The following MRPL35 variants were observed in gnomAD, a reference collection of about 807,000 sequenced individuals.
MRPL35 encodes mitochondrial ribosomal protein L35, also known as large ribosomal subunit protein bL35m.
MRPL35 carries 18 observed loss-of-function variants against 21.6 expected under a neutral mutation model. That is an observed-to-expected ratio of 0.83 (90% confidence interval 0.58 to 1.24). The LOEUF is 1.24. Ranked by LOEUF, MRPL35 falls within the 50% of genes most tolerant of loss-of-function variation. The pLI, the probability that MRPL35 is intolerant of heterozygous loss-of-function variation, is 0.00. For missense variants in MRPL35, 223 were observed against 223.2 expected, an observed-to-expected ratio of 1.00 and a Z score of 0.01; for synonymous variants, 87 against 86.9, an observed-to-expected ratio of 1.00 and a Z score of -0.01.
In MRPL35 at chr2:86,212,783, TATC is replaced by T; in HGVS notation, c.*2120_*2122del. 2 of 1,078,192 alleles carry T rather than the reference TATC, an allele frequency of 1.9e-6. No homozygotes were observed. Among genetic ancestry groups the T allele is most frequent in the Non-Finnish European group, 2.2e-6 (2 of 890,822 alleles). The allele number at this position is 1,078,192 out of a possible 1,614,324, so 66.8% of individuals were successfully genotyped here. A position where few individuals can be genotyped will look rare whatever the true frequency, so the allele number is the denominator to read the frequency against. On this transcript the variant is annotated 3_prime_UTR_variant, in exon 4 of 4. Transcript: ENST00000337109. Reference sequence around the variant, plus strand: ...TTTTTGTTTTGTGGGTAGGAGGGCTTATCATCAACACTGATTTTATAATCTGAC... The same window carrying T: ...TTTTTGTTTTGTGGGTAGGAGGGCTTATCAACACTGATTTTATAATCTGAC...
chr2:86,199,707 C>T (rs961693636), intron 1 of MRPL35, among the ~76,000 whole-genome samples, 174 bp downstream of exon 1: 2 of 152,204 alleles, frequency 1.3e-5, no homozygotes, highest in African/African-American at 4.8e-5. Flanking sequence ...ACCAAGTCCC[C>T]CGACTCGGAC....
At chr2:86,204,736 A>G (rs1673758949) in intron 1 of MRPL35, among the ~76,000 whole-genome samples, 1 of 152,188 alleles carries the variant, frequency 6.6e-6, no homozygotes, top group Non-Finnish European at 1.5e-5. Flanking sequence ...TCTGATAGTC[A>G]GGCGAACAGT....
At chr2:86,200,688 T>TTC (rs1673667695) in intron 1 of MRPL35, among the ~76,000 whole-genome samples, 1 of 152,164 alleles carries the variant, frequency 6.6e-6, no homozygotes, top group Admixed American at 6.5e-5. Flanking sequence ...AATTCTTTTT[T>TTC]TTTTTTTGAG....
chr2:86,210,910 T>C lies in MRPL35; in HGVS notation c.*242T>C. 8.7e-7 allele frequency: 1 copy of C among 1,145,296 alleles called. No homozygotes were observed. Among genetic ancestry groups the C allele is most frequent in the Non-Finnish European group, 1.1e-6 (1 of 931,702 alleles). 70.9% of individuals were successfully genotyped at this position (1,145,296 alleles called of 1,614,324 possible). On this transcript the variant is annotated 3_prime_UTR_variant, in exon 4 of 4. Coordinates refer to ENST00000337109, the MANE Select transcript of MRPL35 (RefSeq NM_016622.4). The stretch of plus-strand genomic sequence containing the variant: ...AACAAATGGTATTGGCTTAACTAGT[T>C]GTTTCAGTTATGCTCTTTTAGTTGC...
chr2:86,202,839 C>T (rs372581595), intron 1 of MRPL35, among the ~76,000 whole-genome samples: 2 of 151,604 alleles, frequency 1.3e-5, no homozygotes, highest in Non-Finnish European at 2.9e-5. Flanking sequence ...TACAGGCGCG[C>T]GTCACTCTGC....
chr2:86,211,834 C>T lies in MRPL35; in HGVS notation c.*1166C>T. On this transcript the variant is annotated 3_prime_UTR_variant, in exon 4 of 4. Transcript: ENST00000337109. ...TTCTTAAAAGTTAGTTTATCCACTT[C>T]AGATTTCATGTTTTCATTTGTAAGG... 1.0e-6 allele frequency: 1 copy of T among 985,516 alleles called. No individual in the cohort carries two copies. The allele number at this position is 985,516 out of a possible 1,614,324, so 61.0% of individuals were successfully genotyped here.
intron 1 of MRPL35, among the ~76,000 whole-genome samples, chr2:86,204,827 C>T (rs1673760507): frequency 6.6e-6 from 1 of 152,194 alleles, no homozygotes; most frequent in South Asian, 2.1e-4. Flanking sequence ...GGGGTGTCAA[C>T]CCCAAGCAGT....
intron 3 of MRPL35, among the ~76,000 whole-genome samples, chr2:86,209,464 A>C (rs1447636216): frequency 1.3e-5 from 2 of 152,246 alleles, no homozygotes; most frequent in Non-Finnish European, 2.9e-5. Context: ...GGCTATGATT[A>C]TAGTTTTTAT....
At chr2:86,204,715 C>A (rs1229950728) in intron 1 of MRPL35, among the ~76,000 whole-genome samples, 1 of 152,184 alleles carries the variant, frequency 6.6e-6, no homozygotes, top group Non-Finnish European at 1.5e-5. Context: ...CACTACTTCT[C>A]CCCAGGCGTC....
At position 86,199,489 on chromosome 2, in the gene MRPL35, A is replaced by G. The variant is rs1200968514; in HGVS notation, c.-2A>G. 3.7e-6 allele frequency: 6 copies of G among 1,614,066 alleles called. No homozygotes were observed. Among genetic ancestry groups the G allele is most frequent in the South Asian group, 1.1e-5 (1 of 91,088 alleles). On this transcript the variant is annotated 5_prime_UTR_variant, in exon 1 of 4. Coordinates refer to ENST00000337109, the MANE Select transcript of MRPL35 (RefSeq NM_016622.4). ...AAGCGGCCGCCGTAGGCGAAGGTGA[A>G]GATGGCTGCCTCTGCCTTTGCTGGT...
rs1477229338 is a variant in MRPL35 at position 86,206,158 on chromosome 2, C to T, written c.96C>T (p.Val32=). Residue 32 remains valine, a synonymous_variant, in exon 2 of 4, where the codon GTC becomes GTT. Coordinates refer to ENST00000337109, the MANE Select transcript of MRPL35 (RefSeq NM_016622.4). ...CATCTTCAACCTACCGCAACTGTGTCAAGAATGCCTCTCTTATTTCTGCAT... is the reference window on the plus strand; with the variant it reads ...CATCTTCAACCTACCGCAACTGTGTTAAGAATGCCTCTCTTATTTCTGCAT... The part of the protein sequence containing the change: ...ILASSTYRNC[V]KNASLISALS... 6.2e-7 allele frequency: 1 copy of T among 1,613,986 alleles called. No homozygotes were observed. Among genetic ancestry groups the T allele is most frequent in the South Asian group, 1.1e-5 (1 of 91,068 alleles).
rs1346853125 is a variant in MRPL35 at position 86,212,094 on chromosome 2, A to C, written c.*1426A>C. ...GCAAAGTACTTTGAAAACCATTATT[A>C]AATAGAATTATGCATGAATTACTGT... On this transcript the variant is annotated 3_prime_UTR_variant, in exon 4 of 4. Coordinates refer to ENST00000337109, the MANE Select transcript of MRPL35 (RefSeq NM_016622.4). 1.8e-6 allele frequency: 2 copies of C among 1,136,878 alleles called. No homozygotes were observed. The allele number at this position is 1,136,878 out of a possible 1,614,324, so 70.4% of individuals were successfully genotyped here. A position where few individuals can be genotyped will look rare whatever the true frequency, so the allele number is the denominator to read the frequency against.
chr2:86,201,166 G>GC (rs1238160169), intron 1 of MRPL35, among the ~76,000 whole-genome samples: 1 of 152,098 alleles, frequency 6.6e-6, no homozygotes, highest in Non-Finnish European at 1.5e-5. Context: ...AACTGTTGAG[G>GC]CCCCACATCC....
At chr2:86,203,080 CTTTTTTTTT>C (rs35289845) in intron 1 of MRPL35, among the ~76,000 whole-genome samples, 1 of 132,064 alleles carries the variant, frequency 7.6e-6, no homozygotes, top group African/African-American at 2.8e-5. Flanking sequence ...GTGGGAAATT[CTTTTTTTTT>C]TTTTTTTTGA....
Position 86,213,266 on chromosome 2 carries a change from C to T in MRPL35, c.*2598C>T, listed in dbSNP as rs1209933448. 2 of 1,068,246 alleles carry T rather than the reference C, an allele frequency of 1.9e-6. No individual in the cohort carries two copies. The highest frequency in any genetic ancestry group is 5.2e-5 in the Admixed American group (1 of 19,160). The allele number at this position is 1,068,246 out of a possible 1,614,324, so 66.2% of individuals were successfully genotyped here. A position where few individuals can be genotyped will look rare whatever the true frequency, so the allele number is the denominator to read the frequency against. On this transcript the variant is annotated 3_prime_UTR_variant, in exon 4 of 4. Transcript: ENST00000337109. ...TCAGCTTTTAAATTTTATTACTTTG[C>T]TTTCCTGTCCTTTGCCAACTCTTAA...
At position 86,210,478 on chromosome 2, in the gene MRPL35, A is replaced by G. The variant is rs1385268534; in HGVS notation, c.379-2A>G. 6.2e-7 allele frequency: 1 copy of G among 1,601,994 alleles called. No homozygotes were observed. Among genetic ancestry groups the G allele is most frequent in the South Asian group, 1.1e-5 (1 of 89,548 alleles). On this transcript the variant is annotated splice_acceptor_variant, in intron 3 of 3. Transcript: ENST00000337109. LOFTEE classifies it high-confidence loss of function. ...TTTACATTTCTTTGTAATATCTGAC[A>G]GGCTGGCTATAAGAAAAAATTATGG... is the stretch of plus-strand genomic sequence containing the variant.
chr2:86,211,245 T>C lies in MRPL35; in HGVS notation c.*577T>C. On this transcript the variant is annotated 3_prime_UTR_variant, in exon 4 of 4. Coordinates refer to ENST00000337109, the MANE Select transcript of MRPL35 (RefSeq NM_016622.4). ...TTTGCATACTTACAGTTTCTGTTCC[T>C]TTGTAATAACTTTAACTTGCACCTT... The C allele has an allele frequency of 8.6e-6, 8 of 932,194 alleles. No homozygotes were observed. The highest frequency in any genetic ancestry group is 1.0e-5 in the Non-Finnish European group (8 of 781,634). 57.7% of individuals were successfully genotyped at this position (932,194 alleles called of 1,614,324 possible).
chr2:86,210,644 T>G lies in MRPL35; in HGVS notation c.543T>G (p.His181Gln). ...WYVDDPYQKYHDRTNLKV is the reference protein window; with the variant it reads ...WYVDDPYQKYQDRTNLKV ...TTGATGATCCTTATCAGAAGTATCA[T>G]GATCGAACAAACCTGAAAGTATAGA... Residue 181 changes from histidine (H) to glutamine (Q), a missense_variant, in exon 4 of 4, where the codon CAT (histidine) becomes CAG (glutamine). His to Gln is a conservative substitution (Grantham distance 24). Coordinates refer to ENST00000337109, the MANE Select transcript of MRPL35 (RefSeq NM_016622.4). 6.2e-7 allele frequency: 1 copy of G among 1,611,926 alleles called. No homozygotes were observed. Among genetic ancestry groups the G allele is most frequent in the African/African-American group, 1.3e-5 (1 of 74,932 alleles).
intron 1 of MRPL35, among the ~76,000 whole-genome samples, chr2:86,205,425 C>T (rs894872883): frequency 6.6e-6 from 1 of 150,508 alleles, no homozygotes; most frequent in Admixed American, 6.6e-5. Context: ...GCTCTCTCTG[C>T]GATTGCAGAG....
Sources: gnomAD v4.1 joint callset for allele counts (sites outside exome capture counted in the v4.1 genomes callset) on GRCh38, gnomAD v4.1.1 for gene constraint, MANE v1.5 for transcripts, NCBI Gene and HGNC (gene_info 2026-07-23, HGNC 2026-07-21) for gene names.